CRYBG2: variants seen among roughly 807,000 people sequenced by gnomAD.
The protein encoded by CRYBG2 is beta/gamma crystallin domain-containing protein 2.
A neutral mutation model predicts 153.4 loss-of-function variants in CRYBG2; 106 were observed. The ratio of observed to expected loss-of-function variants is 0.69; its 90% confidence interval spans 0.59 to 0.81. The LOEUF (loss-of-function observed/expected upper bound fraction) is 0.81. Among genes scored for constraint, CRYBG2 ranks in the 30% least tolerant of loss-of-function variants. The probability of loss-of-function intolerance (pLI) is 0.00; values close to 1 mark genes in which losing one functional copy is unlikely to be tolerated. For synonymous variants in CRYBG2, 851 were observed against 877.8 expected, an observed-to-expected ratio of 0.97 and a Z score of 0.54; for missense variants, 1,996 against 2,112.0, an observed-to-expected ratio of 0.95 and a Z score of 1.08.
intron 1 of CRYBG2, among the ~76,000 whole-genome samples, chr1:26,348,894 T>A (rs2074256125): frequency 3.5e-5 from 5 of 142,618 alleles, no homozygotes; most frequent in African/African-American, 1.3e-4. Flanking sequence ...TAAGGCTGGG[T>A]GCGGTGGCTC....
chr1:26,342,615 T>G (rs1356183017), intron 5 of CRYBG2, 139 bp downstream of exon 5: 2 of 1,266,242 alleles, frequency 1.6e-6, no homozygotes, highest in Non-Finnish European at 2.2e-6. Context: ...GCCAGGCTGG[T>G]CTCCAACTCC....
chr1:26,344,549 A>G lies in CRYBG2; in HGVS notation c.2109T>C (p.Asp703=). 2 of 1,543,810 alleles carry G rather than the reference A, an allele frequency of 1.3e-6. No individual in the cohort carries two copies. The highest frequency in any genetic ancestry group is 1.7e-6 in the Non-Finnish European group (2 of 1,146,848). ...CTGAGGAAGATGGGGCAGGGAGAGC[A>G]TCAGGGTCCTGCACAACCTCTTTCT... ...LTQKEVVQDP[D]ALPAPSSSVD... The change falls in exon 2 of 20, where the codon GAT becomes GAC. Residue 703 remains aspartate, a synonymous_variant. Coordinates refer to ENST00000308182, the MANE Select transcript of CRYBG2 (RefSeq NM_001039775.4).
intron 1 of CRYBG2, among the ~76,000 whole-genome samples, chr1:26,351,278 T>C (rs1418938767): frequency 6.6e-6 from 1 of 152,154 alleles, no homozygotes; most frequent in East Asian, 1.9e-4. Context: ...CAAATGAAGT[T>C]TGACGCCCTC....
chr1:26,332,865 T>C (rs975558660), intron 14 of CRYBG2, among the ~76,000 whole-genome samples: 45 of 151,052 alleles, frequency 3.0e-4, no homozygotes, highest in African/African-American at 1.0e-3. Flanking sequence ...AACCCAGTTA[T>C]AGTATGTTCC....
At chr1:26,332,474 A>G (rs992222248) in intron 14 of CRYBG2, among the ~76,000 whole-genome samples, 3 of 152,118 alleles carry the variant, frequency 2.0e-5, no homozygotes, top group Non-Finnish European at 4.4e-5. Context: ...TATAATTCAC[A>G]TGCCATAAAA....
rs763698391 is a variant in CRYBG2 at position 26,344,119 on chromosome 1, G to A, written c.2539C>T (p.Arg847Cys). Residue 847 changes from arginine to cysteine, a missense_variant, in exon 2 of 20, where the codon CGC (arginine) becomes TGC (cysteine). Coordinates refer to ENST00000308182, the MANE Select transcript of CRYBG2 (RefSeq NM_001039775.4). ...PYLSDDEKLQ[R>C]RQEKAGPSPS... is the part of the protein sequence containing the mutation. ...CTGGGCCCAGCTTTCTCCTGCCTGC[G>A]CTGGAGCTTCTCATCGTCACTCAGA... The A allele has an allele frequency of 1.7e-5, 26 of 1,536,112 alleles. No homozygotes were observed. In the East Asian group the frequency reaches 2.2e-4, roughly 13 times the overall value.
rs1192566882 is a variant in CRYBG2, at chr1:26,344,902, G to A, written c.1756C>T (p.Pro586Ser). 6.5e-7 allele frequency: 1 copy of A among 1,527,620 alleles called. No individual in the cohort carries two copies. Among genetic ancestry groups the A allele is most frequent in the South Asian group, 1.2e-5 (1 of 83,426 alleles). 94.6% of individuals were successfully genotyped at this position (1,527,620 alleles called of 1,614,324 possible). ...GGCGATGAGGCAGCAGGAGCACCAGGGCCCTTCACAACCTCTTTTGGGGTG... is the reference window on the plus strand; with the variant it reads ...GGCGATGAGGCAGCAGGAGCACCAGAGCCCTTCACAACCTCTTTTGGGGTG... ...STTPKEVVKG[P>S]GAPAASSPTQ... Residue 586 changes from proline (P) to serine (S), a missense_variant, in exon 2 of 20, where the codon CCT becomes TCT. Physicochemically the swap from Pro to Ser is moderately conservative, Grantham distance 74 (BLOSUM62 -1). Coordinates refer to ENST00000308182, the MANE Select transcript of CRYBG2 (RefSeq NM_001039775.4).
chr1:26,326,949 T>G (rs944305645), intron 17 of CRYBG2: 25 of 491,972 alleles, frequency 5.1e-5, no homozygotes, highest in Admixed American at 4.8e-4. Flanking sequence ...AATGTGTTCG[T>G]GGCAGGATCA....
At chr1:26,338,932 T>C (rs748176274) in intron 6 of CRYBG2, among the ~76,000 whole-genome samples, 1 of 152,200 alleles carries the variant, frequency 6.6e-6, no homozygotes, top group African/African-American at 2.4e-5. Context: ...AATTGACAAA[T>C]ATTTAGAAGC....
chr1:26,337,802 C>T (rs1057158737), intron 8 of CRYBG2, 128 bp from the exon 9 acceptor site: 134 of 1,375,564 alleles, frequency 9.7e-5, no homozygotes, highest in South Asian at 1.5e-4. Context: ...GAACTCCATC[C>T]CCTTACCCAA....
At position 26,336,287 on chromosome 1, in the gene CRYBG2, A is replaced by AT; in HGVS notation, c.4071+50dup. ...ACAGCGGGGAGGGGAAAGGTCCGAA[A>AT]TGAGGGGAGAGACGTGAGCCCAGCG... On this transcript the variant is annotated intron_variant, in intron 13 of 19. Transcript: ENST00000308182. The surrounding 1 kb of genome is among the most constrained non-coding windows in gnomAD (Gnocchi z 4.9). 6.2e-7 allele frequency: 1 copy of AT among 1,609,948 alleles called. No homozygotes were observed.
chr1:26,352,368 A>G (rs1226850303), intron 1 of CRYBG2, among the ~76,000 whole-genome samples: 1 of 152,162 alleles, frequency 6.6e-6, no homozygotes, highest in Admixed American at 6.5e-5. Flanking sequence ...CAAATCACAT[A>G]CAGACAGAAA....
At chr1:26,347,076 C>T (rs1416746655) in intron 1 of CRYBG2, among the ~76,000 whole-genome samples, 1 of 152,054 alleles carries the variant, frequency 6.6e-6, no homozygotes, top group Non-Finnish European at 1.5e-5. Flanking sequence ...AGGTCTAGTC[C>T]CCCAGGAGCT....
At position 26,345,491 on chromosome 1, in the gene CRYBG2, G is replaced by C; in HGVS notation, c.1167C>G (p.Pro389=). ...PGARLTPLVL[P]PKKKDGPVDP... The stretch of plus-strand genomic sequence containing the variant: ...CCACGGGCCCGTCCTTTTTTTTAGG[G>C]GGCAGAACAAGGGGAGTGAGCCGGG... Residue 389 remains proline, a synonymous_variant, in exon 2 of 20, where the codon CCC becomes CCG. Coordinates refer to ENST00000308182, the MANE Select transcript of CRYBG2 (RefSeq NM_001039775.4). 3.1e-6 allele frequency: 5 copies of C among 1,591,826 alleles called. No individual in the cohort carries two copies. Among genetic ancestry groups the C allele is most frequent in the Non-Finnish European group, 4.3e-6 (5 of 1,168,226 alleles).
In CRYBG2 at chr1:26,336,853, A is replaced by G. The variant is rs1198907320; in HGVS notation, c.3899T>C (p.Val1300Ala). 1 of 1,599,810 alleles carries G rather than the reference A, an allele frequency of 6.3e-7. No individual in the cohort carries two copies. Among genetic ancestry groups the G allele is most frequent in the East Asian group, 2.3e-5 (1 of 43,722 alleles). ...QHGPSTQAIH[V>A]LSGVWVAYQE... ...CCGGGTCACTTACACGCCGCTGAGC[A>G]CGTGGATGGCCTGTGTGCTGGGGCC... The change falls in exon 11 of 20, where the codon GTG becomes GCG. Residue 1300 changes from valine (V) to alanine (A), a missense_variant. Transcript: ENST00000308182. This position sits in a 1 kb window ranked among gnomAD's most constrained non-coding sequence, Gnocchi z 4.9.
chr1:26,332,306 CAAAAAAAA>C (rs567865951), intron 14 of CRYBG2, among the ~76,000 whole-genome samples: 2 of 71,466 alleles, frequency 2.8e-5, no homozygotes, highest in African/African-American at 1.2e-4. Context: ...GACTCCGTGT[CAAAAAAAA>C]AAAAAAAAAA....
chr1:26,346,055 C>G lies in CRYBG2; in HGVS notation c.603G>C (p.Val201=). The part of the protein sequence containing the change: ...RMSSSVTVRP[V]SSGEALPRGR... ...CCCGTGGCAGGGCCTCGCCTGAGGA[C>G]ACTGGCCTCACAGTCACAGAGCTGC... The change falls in exon 2 of 20, where the codon GTG becomes GTC. Residue 201 remains valine (V), a synonymous_variant. Coordinates refer to ENST00000308182, the MANE Select transcript of CRYBG2 (RefSeq NM_001039775.4). The surrounding 1 kb of genome is among the most constrained non-coding windows in gnomAD (Gnocchi z 4.9). 6.3e-7 allele frequency: 1 copy of G among 1,588,734 alleles called. No homozygotes were observed. Among genetic ancestry groups the G allele is most frequent in the Non-Finnish European group, 8.5e-7 (1 of 1,174,142 alleles).
chr1:26,344,003 G>T lies in CRYBG2; in HGVS notation c.2655C>A (p.Gly885=). The T allele has an allele frequency of 6.5e-7, 1 of 1,536,322 alleles. No individual in the cohort carries two copies. Among genetic ancestry groups the T allele is most frequent in the South Asian group, 1.2e-5 (1 of 84,060 alleles). Residue 885 remains glycine (G), a synonymous_variant, in exon 2 of 20, where the codon GGC becomes GGA. Transcript: ENST00000308182. ...MMKKHVAGTK[G]PHSELGLELQ... is the part of the protein sequence containing the mutation. ...GTTCCAATCCCAGCTCTGAGTGGGGGCCCTTGGTTCCTGCTACATGCTTCT... is the reference window on the plus strand; with the variant it reads ...GTTCCAATCCCAGCTCTGAGTGGGGTCCCTTGGTTCCTGCTACATGCTTCT...
At position 26,344,282 on chromosome 1, in the gene CRYBG2, G is replaced by A. The variant is rs1301819224; in HGVS notation, c.2376C>T (p.Ser792=). ...GCAGCGTGGCGTACATGGACAGGTA[G>A]GAGGAGCGAGGGGCTCGTGGCAGCC... ...THRLPRAPRS[S]YLSMYATLPA... The change falls in exon 2 of 20, where the codon TCC becomes TCT. Residue 792 remains serine (S), a synonymous_variant. Transcript: ENST00000308182. 2 of 1,520,362 alleles carry A rather than the reference G, an allele frequency of 1.3e-6. No homozygotes were observed. The highest frequency in any genetic ancestry group is 2.8e-5 in the African/African-American group (2 of 72,388). The allele number at this position is 1,520,362 out of a possible 1,614,324, so 94.2% of individuals were successfully genotyped here.
Sources: gnomAD v4.1 joint callset for allele counts (sites outside exome capture counted in the v4.1 genomes callset) on GRCh38, gnomAD v4.1.1 for gene constraint, Gnocchi (gnomAD v3.1) non-coding constraint, MANE v1.5 for transcripts, NCBI Gene and HGNC (gene_info 2026-07-23, HGNC 2026-07-21) for gene names.